GGACT: variants seen among roughly 807,000 people sequenced by gnomAD.
The protein encoded by GGACT is gamma-glutamylaminecyclotransferase.
For missense variants in GGACT, 241 were observed against 233.2 expected, an observed-to-expected ratio of 1.03 and a Z score of -0.22; for synonymous variants, 118 against 115.3, an observed-to-expected ratio of 1.02 and a Z score of -0.15.
chr13:100,552,961 G>A (rs1424223745), intron 2 of GGACT, among the ~76,000 whole-genome samples: 4 of 152,034 alleles, frequency 2.6e-5, no homozygotes, highest in African/African-American at 9.7e-5. Context: ...GGGATACCCA[G>A]GAGCAGGCAG....
chr13:100,549,951 TG>T (rs1274800503), intron 2 of GGACT, among the ~76,000 whole-genome samples: 1 of 152,258 alleles, frequency 6.6e-6, no homozygotes, highest in African/African-American at 2.4e-5. Flanking sequence ...TAAATTATCT[TG>T]TTCCCAAAGC....
intron 2 of GGACT, among the ~76,000 whole-genome samples, chr13:100,562,512 G>A (rs1425709400): frequency 1.3e-5 from 2 of 152,080 alleles, no homozygotes; most frequent in East Asian, 1.9e-4. Flanking sequence ...AGAGGCACAT[G>A]AGGCCAGGTG....
Position 100,531,759 on chromosome 13 carries a change from TA to T in GGACT, c.*370del. 1 of 191,574 alleles carries T rather than the reference TA, an allele frequency of 5.2e-6. No homozygotes were observed. The highest frequency in any genetic ancestry group is 1.1e-5 in the Non-Finnish European group (1 of 94,080). The allele number at this position is 191,574 out of a possible 1,614,324, so 11.9% of individuals were successfully genotyped here. ...GCCAGAATCAGTATAGTAGGGCTGCTAAAATCTAGCGGCAACACCAAGTCTT... is the reference window on the plus strand; with the variant it reads ...GCCAGAATCAGTATAGTAGGGCTGCTAAATCTAGCGGCAACACCAAGTCTT... On this transcript the variant is annotated 3_prime_UTR_variant, in exon 3 of 3. Coordinates refer to ENST00000683975, the MANE Select transcript of GGACT (RefSeq NM_001195087.2).
chr13:100,580,703 G>T (rs763027137), intron 2 of GGACT, among the ~76,000 whole-genome samples: 4 of 152,190 alleles, frequency 2.6e-5, no homozygotes, highest in Non-Finnish European at 5.9e-5. Flanking sequence ...CACAAGTGAT[G>T]GAAGAACTGC....
intron 2 of GGACT, among the ~76,000 whole-genome samples, chr13:100,559,813 A>G (rs1481644978): frequency 6.6e-6 from 1 of 152,250 alleles, no homozygotes; most frequent in Admixed American, 6.5e-5. Context: ...AGTCTTAAAA[A>G]AAGAAATCTA....
chr13:100,546,274 A>G (rs2088602751), intron 2 of GGACT, among the ~76,000 whole-genome samples: 1 of 149,024 alleles, frequency 6.7e-6, no homozygotes, highest in South Asian at 2.2e-4. Flanking sequence ...AGGCAGGGGA[A>G]TGGCGTGAAC....
intron 2 of GGACT, among the ~76,000 whole-genome samples, chr13:100,580,855 C>T (rs1225772391): frequency 6.6e-6 from 1 of 152,200 alleles, no homozygotes; most frequent in Non-Finnish European, 1.5e-5. Flanking sequence ...GCAAAAGGAA[C>T]TGTGTATATT....
At chr13:100,578,274 T>C (rs1478239823) in intron 2 of GGACT, among the ~76,000 whole-genome samples, 1 of 152,238 alleles carries the variant, frequency 6.6e-6, no homozygotes, top group African/African-American at 2.4e-5. Flanking sequence ...GTCTTTGTTA[T>C]AGATATTCTG....
intron 2 of GGACT, chr13:100,538,836 G>T (rs1324231123): frequency 6.6e-6 from 1 of 152,194 alleles, no homozygotes; most frequent in Non-Finnish European, 1.5e-5. Context: ...GAACAATATT[G>T]TCTTCCAATC....
At chr13:100,539,019 G>A (rs2088524703) in intron 2 of GGACT, 1 of 152,070 alleles carries the variant, frequency 6.6e-6, no homozygotes, top group African/African-American at 2.4e-5. Context: ...ATTGCTTATT[G>A]TTAGTGTATA....
At chr13:100,541,597 C>T (rs2088555726) in intron 2 of GGACT, 1 of 152,142 alleles carries the variant, frequency 6.6e-6, no homozygotes, top group Non-Finnish European at 1.5e-5. Context: ...TAAAAATGAA[C>T]ACATTATAAG....
intron 2 of GGACT, among the ~76,000 whole-genome samples, chr13:100,581,762 T>C (rs72661040): frequency 2.6e-5 from 4 of 152,310 alleles, no homozygotes; most frequent in Non-Finnish European, 5.9e-5. Flanking sequence ...AGTCAGGTAA[T>C]CAAGATCAAC....
Position 100,538,561 on chromosome 13 carries a change from A to G in GGACT, c.-10-5960T>C, listed in dbSNP as rs540282386. The G allele has an allele frequency of 5.9e-5, 9 of 152,356 alleles. No homozygotes were observed. The East Asian group carries it at 1.7e-3, about 29-fold the overall frequency. The allele number at this position is 152,356 out of a possible 1,614,324, so 9.4% of individuals were successfully genotyped here. A position where few individuals can be genotyped will look rare whatever the true frequency, so the allele number is the denominator to read the frequency against. On this transcript the variant is annotated intron_variant, in intron 2 of 2. Transcript: ENST00000683975. ...AACCTTTTCATCTTGCAAAACTGAA[A>G]CTTTGTACCCATTAAACAATAACCA...
intron 2 of GGACT, among the ~76,000 whole-genome samples, chr13:100,543,465 C>G (rs937810984): frequency 7.2e-5 from 11 of 152,072 alleles, no homozygotes; most frequent in Admixed American, 7.2e-4. Context: ...CTCGGCCTCC[C>G]AAAGTGCTAG....
rs538315527 is a variant in GGACT at position 100,534,992 on chromosome 13, G to A, written c.-10-2391C>T. Among the ~76,000 whole-genome samples the A allele has an allele frequency of 6.6e-4, 100 of 152,356 alleles. 1 individual carries two copies. Among genetic ancestry groups the A allele is most frequent in the South Asian group, 3.9e-3 (19 of 4,834 alleles). ...CTGTCTGGTTGTCGTTATAGCACAC[G>A]TGCTCTCTAAATCACTGGTCTTGTT... On this transcript the variant is annotated intron_variant, in intron 2 of 2. Transcript: ENST00000683975. This position sits in a 1 kb window ranked among gnomAD's most constrained non-coding sequence, Gnocchi z 4.9.
chr13:100,540,116 CTA>C (rs2088538404), intron 2 of GGACT: 1 of 1,581,938 alleles, frequency 6.3e-7, no homozygotes, highest in African/African-American at 1.3e-5. Context: ...GCGGCCTCCA[CTA>C]TGTTTCGAAT....
chr13:100,536,020 C>T (rs1247524108), intron 2 of GGACT: 1 of 152,072 alleles, frequency 6.6e-6, no homozygotes, highest in African/African-American at 2.4e-5. Context: ...GTATTCTCTC[C>T]CACTTTTGGT....
intron 2 of GGACT, among the ~76,000 whole-genome samples, chr13:100,549,057 C>T (rs541018225): frequency 6.6e-6 from 1 of 152,260 alleles, no homozygotes; most frequent in Non-Finnish European, 1.5e-5. Flanking sequence ...TTAGAAACCA[C>T]CACCCATGGA....
chr13:100,550,074 C>T (rs78514926), intron 2 of GGACT, among the ~76,000 whole-genome samples: 4 of 152,072 alleles, frequency 2.6e-5, no homozygotes, highest in African/African-American at 9.7e-5. Flanking sequence ...GAAGGCAATT[C>T]GGCATGTGTC....
Sources: gnomAD v4.1 joint callset for allele counts (sites outside exome capture counted in the v4.1 genomes callset) on GRCh38, gnomAD v4.1.1 for gene constraint, Gnocchi (gnomAD v3.1) non-coding constraint, MANE v1.5 for transcripts, NCBI Gene and HGNC (gene_info 2026-07-23, HGNC 2026-07-21) for gene names.